DGKH: variants seen among roughly 807,000 people sequenced by gnomAD.
DGKH encodes DAG kinase eta.
In DGKH, 90 loss-of-function variants were observed where a neutral mutation model predicts 159.3. The ratio of observed to expected loss-of-function variants is 0.57; its 90% confidence interval spans 0.48 to 0.67. DGKH has a LOEUF of 0.67. Among genes scored for constraint, DGKH ranks in the 30% least tolerant of loss-of-function variants. DGKH has a pLI of 0.00. For synonymous variants in DGKH, 536 were observed against 553.8 expected, an observed-to-expected ratio of 0.97 and a Z score of 0.45; for missense variants, 1,181 against 1,506.1, an observed-to-expected ratio of 0.78 and a Z score of 3.57.
chr13:42,150,099 A>G (rs1188601612), intron 3 of DGKH, among the ~76,000 whole-genome samples: 1 of 152,228 alleles, frequency 6.6e-6, no homozygotes, highest in African/African-American at 2.4e-5. Context: ...TTTTAGTAAT[A>G]AGACATAGCT....
At chr13:42,060,149 A>G (rs1882044703) in intron 1 of DGKH, among the ~76,000 whole-genome samples, 1 of 127,162 alleles carries the variant, frequency 7.9e-6, no homozygotes, top group African/African-American at 2.5e-5. Flanking sequence ...CAGGTGATCC[A>G]CCGGCCTCGG....
intron 1 of DGKH, among the ~76,000 whole-genome samples, chr13:42,049,916 T>C (rs1881143953): frequency 6.6e-6 from 1 of 152,252 alleles, no homozygotes; most frequent in Non-Finnish European, 1.5e-5. Flanking sequence ...CTGTTATCAG[T>C]AGGGAAATTT....
At chr13:42,088,410 A>C (rs7336404) in intron 1 of DGKH, among the ~76,000 whole-genome samples, 37,854 of 152,058 alleles carry the variant, frequency 0.25, 5,269 homozygotes, top group Admixed American at 0.35. Flanking sequence ...AGGATAATCA[A>C]CTTTTTAAAG....
intron 1 of DGKH, among the ~76,000 whole-genome samples, chr13:42,117,311 C>A (rs1399944536): frequency 6.6e-6 from 1 of 152,092 alleles, no homozygotes; most frequent in African/African-American, 2.4e-5. Context: ...ACTTGGTATA[C>A]TCATTATTTT....
chr13:42,129,773 A>G lies in DGKH; in HGVS notation c.384+141A>G. The G allele has an allele frequency of 7.4e-6, 5 of 673,510 alleles. No homozygotes were observed. The South Asian group carries it at 1.0e-4, about 14-fold the overall frequency. The allele number at this position is 673,510 out of a possible 1,614,324, so 41.7% of individuals were successfully genotyped here. On this transcript the variant is annotated intron_variant, in intron 3 of 29. Coordinates refer to ENST00000337343, the MANE Select transcript of DGKH (RefSeq NM_178009.5). ...CCTACCAACACAATCAGCTTTAAAT[A>G]CACTGTATATTCTAACACCCAGTAC...
chr13:42,198,643 T>G, intron 18 of DGKH, 48 bp downstream of exon 18: 1 of 1,490,684 alleles, frequency 6.7e-7, no homozygotes, highest in South Asian at 1.2e-5. Flanking sequence ...TTCTTGTTTT[T>G]TTTTTTTTTC....
At chr13:42,220,541 G>C (rs1957940719) in intron 28 of DGKH, among the ~76,000 whole-genome samples, 1 of 152,080 alleles carries the variant, frequency 6.6e-6, no homozygotes, top group Admixed American at 6.5e-5. Context: ...GTGATGTAAA[G>C]CCTTATTTGT....
intron 29 of DGKH, among the ~76,000 whole-genome samples, chr13:42,225,872 A>G (rs17063052): frequency 0.037 from 5,673 of 152,118 alleles, 319 homozygotes; most frequent in African/African-American, 0.13. Flanking sequence ...TACAGCCTAT[A>G]CCCTCAAAGG....
At chr13:42,109,935 T>C (rs946704743) in intron 1 of DGKH, among the ~76,000 whole-genome samples, 1 of 152,200 alleles carries the variant, frequency 6.6e-6, no homozygotes, top group Non-Finnish European at 1.5e-5. Flanking sequence ...ATATTAAATA[T>C]AACATATATA....
chr13:42,242,978 C>T (rs1287165925), downstream of DGKH: 1 of 152,116 alleles, frequency 6.6e-6, no homozygotes, highest in Non-Finnish European at 1.5e-5. Context: ...GATTCACATG[C>T]AGTTGTAAAA....
chr13:42,134,632 G>A (rs1955362450), intron 3 of DGKH, among the ~76,000 whole-genome samples: 1 of 152,192 alleles, frequency 6.6e-6, no homozygotes, highest in Non-Finnish European at 1.5e-5. Context: ...CACTTTGGGA[G>A]GCTGAGGTGG....
intron 1 of DGKH, among the ~76,000 whole-genome samples, chr13:42,087,785 C>A (rs1257752699): frequency 6.8e-6 from 1 of 146,144 alleles, no homozygotes; most frequent in East Asian, 2.0e-4. Flanking sequence ...GGGACAGTAT[C>A]ATGCTTCTTA....
intron 29 of DGKH, among the ~76,000 whole-genome samples, chr13:42,221,855 A>G (rs347384): frequency 0.81 from 123,446 of 152,228 alleles, 50,387 homozygotes; most frequent in East Asian, 0.91. Flanking sequence ...GCTACTTAGA[A>G]TCTTACAATT....
At chr13:42,043,160 T>G (rs1459913047) in intron 1 of DGKH, among the ~76,000 whole-genome samples, 7 of 152,120 alleles carry the variant, frequency 4.6e-5, no homozygotes, top group African/African-American at 9.7e-5. Context: ...TTATGTGACA[T>G]ATATGTTACA....
In DGKH at chr13:42,048,725, G is replaced by A. The variant is rs776718047; in HGVS notation, c.-49G>A. The A allele has an allele frequency of 1.9e-3, 2,337 of 1,229,760 alleles. 5 individuals carry two copies. The highest frequency in any genetic ancestry group is 2.0e-3 in the Non-Finnish European group (1,998 of 979,522). 76.2% of individuals were successfully genotyped at this position (1,229,760 alleles called of 1,614,324 possible). On this transcript the variant is annotated 5_prime_UTR_variant, in exon 1 of 30. Transcript: ENST00000337343. The surrounding 1 kb of genome is among the most constrained non-coding windows in gnomAD (Gnocchi z 6.7). ...GGGCAGAGCCCACCCGCTGACCAAC[G>A]CCGCCGCCCCCGCCGGGCGGTGCTG...
In DGKH at chr13:42,218,754, C is replaced by A. The variant is rs1957879755; in HGVS notation, c.3214-476C>A. On this transcript the variant is annotated intron_variant, in intron 26 of 29. Transcript: ENST00000337343. ...CAACTCCTGACCTCAAATGATCCGC[C>A]CACATTGGCCTCCCAAAGTGCTGGG... 2.0e-5 allele frequency among the ~76,000 whole-genome samples: 3 copies of A among 152,046 alleles called. No homozygotes were observed. In the South Asian group the frequency reaches 6.2e-4, roughly 32 times the overall value.
At chr13:42,180,608 A>C (rs1001744268) in intron 13 of DGKH, among the ~76,000 whole-genome samples, 1 of 152,170 alleles carries the variant, frequency 6.6e-6, no homozygotes, top group Admixed American at 6.5e-5. Context: ...TCTTTGTCTA[A>C]GGCTCTGCTC....
At chr13:42,041,200 C>T (rs1593936777) in intron 1 of DGKH, among the ~76,000 whole-genome samples, 1 of 151,096 alleles carries the variant, frequency 6.6e-6, no homozygotes, top group African/African-American at 2.5e-5. Context: ...TTCACCGACT[C>T]CTCAACTTTT....
At chr13:42,087,845 G>A (rs1384079375) in intron 1 of DGKH, among the ~76,000 whole-genome samples, 5 of 149,442 alleles carry the variant, frequency 3.3e-5, no homozygotes, top group African/African-American at 1.2e-4. Context: ...GACAGAAAAA[G>A]CATTTGAGGA....
Sources: allele counts gnomAD v4.1 joint callset (sites outside exome capture counted in the v4.1 genomes callset), GRCh38; gene constraint gnomAD v4.1.1; non-coding constraint Gnocchi (gnomAD v3.1); transcripts MANE v1.5; gene names NCBI Gene and HGNC (gene_info 2026-07-23, HGNC 2026-07-21).